The following EYS variants were observed in gnomAD, a reference collection of about 807,000 sequenced individuals.
The protein encoded by EYS is EGF-like photoreceptor maintenance factor.
Under a neutral mutation model 282.1 loss-of-function variants are expected in EYS, and 250 were observed. That is an observed-to-expected ratio of 0.89 (90% CI 0.80 to 0.98). The LOEUF (loss-of-function observed/expected upper bound fraction) is 0.98. EYS is among the 50% of genes least tolerant of loss of function. The probability of loss-of-function intolerance (pLI) is 0.00; values close to 1 mark genes in which losing one functional copy is unlikely to be tolerated. For synonymous variants in EYS, 1,355 were observed against 1,282.9 expected, an observed-to-expected ratio of 1.06 and a Z score of -1.20; for missense variants, 4,016 against 3,709.0, an observed-to-expected ratio of 1.08 and a Z score of -2.15.
intron 1 of EYS, among the ~76,000 whole-genome samples, chr6:65,701,382 G>A (rs1483142131): frequency 6.6e-6 from 1 of 152,066 alleles, no homozygotes; most frequent in Non-Finnish European, 1.5e-5. Flanking sequence ...TGGGAAAATT[G>A]AAAATAAATC....
At chr6:64,321,634 T>G (rs79874473) in intron 29 of EYS, among the ~76,000 whole-genome samples, 4,742 of 151,964 alleles carry the variant, frequency 0.031, 234 homozygotes, top group African/African-American at 0.11. Context: ...CATAAATCAT[T>G]CCAAGGCTTG....
intron 31 of EYS, among the ~76,000 whole-genome samples, chr6:64,217,266 C>A (rs1322467833): frequency 6.6e-6 from 1 of 152,056 alleles, no homozygotes; most frequent in Non-Finnish European, 1.5e-5. Flanking sequence ...TGGTGGCTCA[C>A]ACCTGTAATC....
At chr6:63,934,379 C>G (rs187286098) in intron 35 of EYS, among the ~76,000 whole-genome samples, 21 of 151,996 alleles carry the variant, frequency 1.4e-4, no homozygotes, top group African/African-American at 4.8e-4. Flanking sequence ...TACCATTTGA[C>G]CCAACCATCC....
intron 31 of EYS, among the ~76,000 whole-genome samples, chr6:64,134,578 G>A (rs1184328008): frequency 6.6e-6 from 1 of 152,056 alleles, no homozygotes; most frequent in African/African-American, 2.4e-5. Flanking sequence ...ACCTGACAGG[G>A]AAGTATAATT....
chr6:63,974,307 T>C (rs1766728363), intron 35 of EYS, among the ~76,000 whole-genome samples: 1 of 151,960 alleles, frequency 6.6e-6, no homozygotes, highest in African/African-American at 2.4e-5. Context: ...CTTTAACACA[T>C]CTTTTCCTAC....
chr6:64,733,444 TG>T, intron 22 of EYS: 1 of 187,672 alleles, frequency 5.3e-6, no homozygotes, highest in Non-Finnish European at 1.2e-5. Flanking sequence ...ATGATCCACT[TG>T]GCCACCACAA....
chr6:64,718,616 G>A (rs1771473683), intron 22 of EYS, among the ~76,000 whole-genome samples: 1 of 152,042 alleles, frequency 6.6e-6, no homozygotes, highest in South Asian at 2.1e-4. Context: ...ATTTTGCATA[G>A]CACAGTACAT....
In EYS at chr6:64,140,371, T is replaced by A. The variant is rs76001748; in HGVS notation, c.6425-58369A>T. On this transcript the variant is annotated intron_variant, in intron 31 of 42. Coordinates refer to ENST00000503581, the MANE Select transcript of EYS (RefSeq NM_001142800.2). ...AGAATATTTAAGTGAAAATTCTTGG[T>A]GTGGTTTATTCACACAGCATATGAT... is the stretch of plus-strand genomic sequence containing the variant. 3.0e-4 allele frequency among the ~76,000 whole-genome samples: 45 copies of A among 152,342 alleles called. 1 individual carries two copies. In the East Asian group the frequency reaches 8.7e-3, roughly 29 times the overall value.
chr6:65,475,629 G>A (rs1274823299), intron 5 of EYS, among the ~76,000 whole-genome samples: 1 of 152,008 alleles, frequency 6.6e-6, no homozygotes, highest in Non-Finnish European at 1.5e-5. Context: ...TACTCAGAAA[G>A]TCATTGGTCA....
intron 2 of EYS, among the ~76,000 whole-genome samples, chr6:65,572,768 C>A (rs1350128587): frequency 6.6e-6 from 1 of 151,846 alleles, no homozygotes; most frequent in South Asian, 2.1e-4. Context: ...TTTTGCTAAG[C>A]GAAACATTAA....
intron 26 of EYS, among the ~76,000 whole-genome samples, chr6:64,448,226 G>C (rs1315034780): frequency 6.6e-6 from 1 of 152,220 alleles, no homozygotes; most frequent in Non-Finnish European, 1.5e-5. Flanking sequence ...AGGTGGCTCT[G>C]AAGGTCCTAT....
intron 31 of EYS, among the ~76,000 whole-genome samples, chr6:64,089,495 AAATAT>A (rs761851679): frequency 2.4e-4 from 36 of 149,830 alleles, no homozygotes; most frequent in Middle Eastern, 3.6e-3. Flanking sequence ...TACAAACACT[AAATAT>A]AATACTGTAT....
intron 26 of EYS, among the ~76,000 whole-genome samples, chr6:64,500,373 A>G (rs572052120): frequency 6.6e-6 from 1 of 152,106 alleles, no homozygotes; most frequent in Non-Finnish European, 1.5e-5. Flanking sequence ...TTGCTCTTAG[A>G]CAAGTTCCTA....
intron 41 of EYS, among the ~76,000 whole-genome samples, chr6:63,742,666 C>G (rs1376272019): frequency 2.6e-5 from 4 of 152,134 alleles, no homozygotes; most frequent in East Asian, 3.8e-4. Flanking sequence ...TAGATACTAC[C>G]CCTACCCCAC....
chr6:65,121,975 A>G (rs1444250831), intron 12 of EYS, among the ~76,000 whole-genome samples: 1 of 150,268 alleles, frequency 6.7e-6, no homozygotes, highest in African/African-American at 2.5e-5. Context: ...CTAAATTTGG[A>G]AAAAAAGTCA....
intron 13 of EYS, among the ~76,000 whole-genome samples, chr6:65,035,132 T>C (rs1341419366): frequency 6.6e-6 from 1 of 152,020 alleles, no homozygotes; most frequent in Non-Finnish European, 1.5e-5. Flanking sequence ...TCTCAATAGA[T>C]ACAGAAAAGG....
chr6:65,663,063 CAAAGA>C (rs1768059599), intron 1 of EYS, among the ~76,000 whole-genome samples: 1 of 152,082 alleles, frequency 6.6e-6, no homozygotes. Context: ...TTTGACAGCT[CAAAGA>C]AGCAGCAGCT....
At chr6:64,197,071 C>T (rs373262285) in intron 31 of EYS, among the ~76,000 whole-genome samples, 18 of 151,816 alleles carry the variant, frequency 1.2e-4, no homozygotes, top group African/African-American at 4.3e-4. Context: ...GATAATATAT[C>T]ACCTAGGTCT....
At chr6:64,393,212 A>T (rs1263226881) in intron 28 of EYS, among the ~76,000 whole-genome samples, 1 of 152,164 alleles carries the variant, frequency 6.6e-6, no homozygotes, top group Admixed American at 6.5e-5. Flanking sequence ...ACAAGGAGGA[A>T]CTGGTACCAT....
Sources: allele counts gnomAD v4.1 joint callset (sites outside exome capture counted in the v4.1 genomes callset), GRCh38; gene constraint gnomAD v4.1.1; transcripts MANE v1.5; gene names NCBI Gene and HGNC (gene_info 2026-07-23, HGNC 2026-07-21).